Variants in DYM observed in about 807,000 individuals in gnomAD.
The protein encoded by DYM is dymeclin, also known as dyggve-Melchior-Clausen syndrome protein.
A neutral mutation model predicts 93.1 loss-of-function variants in DYM; 78 were observed. The observed-to-expected ratio is 0.84, with a 90% CI of 0.70 to 1.01. The LOEUF (loss-of-function observed/expected upper bound fraction) is 1.01, where lower values mean the gene tolerates loss of function less well. Ranked by LOEUF, DYM falls within the 50% of genes least tolerant of loss-of-function variation. DYM has a pLI of 0.00. For missense variants in DYM, 789 were observed against 845.0 expected (o/e 0.93, Z 0.82); for synonymous variants, 321 against 319.7 (o/e 1.00, Z -0.04).
At chr18:49,242,481 T>C (rs62104577) in intron 13 of DYM, among the ~76,000 whole-genome samples, 35,309 of 152,060 alleles carry the variant, frequency 0.23, 4,539 homozygotes, top group African/African-American at 0.35. Flanking sequence ...AACTGTAATA[T>C]ACATTGAAAA....
chr18:49,330,713 T>TA (rs1198937270), intron 8 of DYM, among the ~76,000 whole-genome samples: 3 of 152,118 alleles, frequency 2.0e-5, no homozygotes, highest in Non-Finnish European at 2.9e-5. Flanking sequence ...TAATGATTTT[T>TA]AAAAAAGAAA....
At chr18:49,143,607 T>C (rs1303803787) in intron 15 of DYM, among the ~76,000 whole-genome samples, 2 of 152,158 alleles carry the variant, frequency 1.3e-5, no homozygotes, top group Non-Finnish European at 2.9e-5. Context: ...AGGTTAAATA[T>C]AGTTCTTTCT....
intron 2 of DYM, among the ~76,000 whole-genome samples, chr18:49,392,066 G>A (rs1278169384): frequency 6.6e-6 from 1 of 151,938 alleles, no homozygotes; most frequent in Non-Finnish European, 1.5e-5. Flanking sequence ...CTTTCAAAAA[G>A]TTCTAGAAAA....
chr18:49,442,552 A>G (rs574482518), intron 1 of DYM, among the ~76,000 whole-genome samples: 1 of 152,242 alleles, frequency 6.6e-6, no homozygotes, highest in African/African-American at 2.4e-5. Flanking sequence ...TCCTGTCTCA[A>G]AAATAAAAAA....
In DYM at chr18:49,047,435, T is replaced by C. The variant is rs1265939208; in HGVS notation, c.2026-3231A>G. 2.6e-5 allele frequency among the ~76,000 whole-genome samples: 4 copies of C among 152,206 alleles called. No homozygotes were observed. The South Asian group carries it at 8.3e-4, about 31-fold the overall frequency. On this transcript the variant is annotated intron_variant, in intron 17 of 17. Transcript: ENST00000675505. ...CTTTGGCCCAGTCTGGCTGACAAAG[T>C]TTGATCAGCTCAGGATGTGGCACCA... is the stretch of plus-strand genomic sequence containing the variant.
At chr18:49,363,026 A>T in intron 6 of DYM, 135 bp downstream of exon 6, 2 of 713,274 alleles carry the variant, frequency 2.8e-6, no homozygotes, top group Non-Finnish European at 5.0e-6. Context: ...AGAGAAAAGA[A>T]CTCTGTGGAT....
At chr18:49,104,652 G>A (rs2080578108) in intron 16 of DYM, among the ~76,000 whole-genome samples, 1 of 152,134 alleles carries the variant, frequency 6.6e-6, no homozygotes, top group Admixed American at 6.5e-5. Context: ...GGCCTTTTAT[G>A]CATCTATTGA....
chr18:49,293,405 G>A (rs1288303467), intron 8 of DYM, among the ~76,000 whole-genome samples: 2 of 152,186 alleles, frequency 1.3e-5, no homozygotes, highest in Admixed American at 6.5e-5. Context: ...TCACCACACT[G>A]TCTTCCACAA....
chr18:49,423,951 C>T lies in DYM; in HGVS notation c.140+6304G>A, dbSNP rs1265033485. ...GTCCAGGACCAGATGGATTCACAGC[C>T]GAATTCTACCAGAGGTACAAAGAGG... On this transcript the variant is annotated intron_variant, in intron 2 of 17. Coordinates refer to ENST00000675505, the MANE Select transcript of DYM (RefSeq NM_001353214.3). Among the ~76,000 whole-genome samples, 8 of 152,252 alleles carry T rather than the reference C, an allele frequency of 5.3e-5. 1 individual carries two copies. The South Asian group carries it at 8.3e-4, about 16-fold the overall frequency.
intron 17 of DYM, among the ~76,000 whole-genome samples, chr18:49,050,080 C>CTTT (rs555098372): frequency 0.011 from 1,214 of 106,834 alleles, 41 homozygotes; most frequent in African/African-American, 0.042. Flanking sequence ...AGGTAACTTC[C>CTTT]TTTTTTTTTT....
At chr18:49,439,423 C>G (rs989000322) in intron 1 of DYM, among the ~76,000 whole-genome samples, 1 of 152,148 alleles carries the variant, frequency 6.6e-6, no homozygotes, top group Non-Finnish European at 1.5e-5. Context: ...GCTGCAATTA[C>G]GTAAAAGCTG....
intron 14 of DYM, among the ~76,000 whole-genome samples, chr18:49,191,412 T>C (rs935259963): frequency 1.3e-5 from 2 of 152,008 alleles, no homozygotes; most frequent in African/African-American, 4.8e-5. Context: ...AAATACCCTA[T>C]ATCCACTATT....
intron 17 of DYM, among the ~76,000 whole-genome samples, chr18:49,064,584 T>C (rs2076245163): frequency 6.6e-6 from 1 of 152,154 alleles, no homozygotes; most frequent in Non-Finnish European, 1.5e-5. Flanking sequence ...AAATTCTACT[T>C]GAAAACTAAA....
At chr18:49,311,328 G>A (rs1179474499) in intron 8 of DYM, among the ~76,000 whole-genome samples, 1 of 152,222 alleles carries the variant, frequency 6.6e-6, no homozygotes, top group Non-Finnish European at 1.5e-5. Flanking sequence ...AAATAAGAGA[G>A]CCAACACAAT....
rs190548337 is a variant in DYM, at chr18:49,378,830, A to G, written c.288-130T>C. Reference sequence around the variant, plus strand: ...TATTGGTAATATTAGGATAATGTCCATATCTTTTAATGGCTCATGATTTAT... The same window carrying G: ...TATTGGTAATATTAGGATAATGTCCGTATCTTTTAATGGCTCATGATTTAT... On this transcript the variant is annotated intron_variant, in intron 4 of 17. Transcript: ENST00000675505. 11 of 814,328 alleles carry G rather than the reference A, an allele frequency of 1.4e-5. No homozygotes were observed. In the Admixed American group the frequency reaches 1.6e-4, roughly 11 times the overall value. 50.4% of individuals were successfully genotyped at this position (814,328 alleles called of 1,614,324 possible).
At chr18:49,443,267 T>C (rs1267421442) in intron 1 of DYM, among the ~76,000 whole-genome samples, 1 of 152,234 alleles carries the variant, frequency 6.6e-6, no homozygotes. Flanking sequence ...GCCATGCTCA[T>C]TTGTTTACAC....
Position 49,317,990 on chromosome 18 carries a change from A to G in DYM, c.763+13874T>C, listed in dbSNP as rs141760600. 3.1e-3 allele frequency among the ~76,000 whole-genome samples: 471 copies of G among 152,218 alleles called. 5 individuals are homozygous for G. Among genetic ancestry groups the G allele is most frequent in the African/African-American group, 0.011 (447 of 41,518 alleles). ...GAAGCCTAGGGCAGTTTAAGAACCAATGGCTACCCAGGAAAACAGATGATT... is the reference window on the plus strand; with the variant it reads ...GAAGCCTAGGGCAGTTTAAGAACCAGTGGCTACCCAGGAAAACAGATGATT... On this transcript the variant is annotated intron_variant, in intron 8 of 17. Coordinates refer to ENST00000675505, the MANE Select transcript of DYM (RefSeq NM_001353214.3).
At chr18:49,202,890 C>G (rs1463287940) in intron 14 of DYM, among the ~76,000 whole-genome samples, 8 of 128,072 alleles carry the variant, frequency 6.2e-5, no homozygotes, top group Non-Finnish European at 1.2e-4. Flanking sequence ...CCACCCCGTC[C>G]GGGAGGGAGG....
At chr18:49,290,605 C>A (rs1341742503) in intron 8 of DYM, among the ~76,000 whole-genome samples, 10 of 151,692 alleles carry the variant, frequency 6.6e-5, no homozygotes. Flanking sequence ...GGGAAAATCT[C>A]ATCAGAAATC....
Sources: allele counts gnomAD v4.1 joint callset (sites outside exome capture counted in the v4.1 genomes callset), GRCh38; gene constraint gnomAD v4.1.1; transcripts MANE v1.5; gene names NCBI Gene and HGNC (gene_info 2026-07-23, HGNC 2026-07-21).